The following CEP170 variants were observed in gnomAD, a reference collection of about 807,000 sequenced individuals.
CEP170 encodes centrosomal protein of 170 kDa.
CEP170 carries 21 observed loss-of-function variants against 151.9 expected under a neutral mutation model. The ratio of observed to expected loss-of-function variants is 0.14; its 90% CI spans 0.10 to 0.20. The LOEUF (loss-of-function observed/expected upper bound fraction) is 0.20. Among genes scored for constraint, CEP170 ranks in the 10% least tolerant of loss-of-function variants. The pLI is 1.00. For missense variants in CEP170, 964 were observed against 1,892.9 expected, an observed-to-expected ratio of 0.51 and a Z score of 9.11; for synonymous variants, 356 against 648.8, an observed-to-expected ratio of 0.55 and a Z score of 6.86.
intron 15 of CEP170, among the ~76,000 whole-genome samples, chr1:243,141,237 G>A (rs1221091500): frequency 1.3e-5 from 2 of 151,720 alleles, no homozygotes; most frequent in African/African-American, 4.8e-5. Context: ...ATCAATACCA[G>A]GGGCTGGCAA....
intron 10 of CEP170, among the ~76,000 whole-genome samples, chr1:243,176,354 C>G (rs1273724548): frequency 6.6e-6 from 1 of 152,186 alleles, no homozygotes; most frequent in East Asian, 1.9e-4. Flanking sequence ...GGTGAAAACT[C>G]CTTTGTGAAC....
intron 14 of CEP170, among the ~76,000 whole-genome samples, chr1:243,152,514 C>T (rs2057192014): frequency 7.2e-6 from 1 of 138,456 alleles, no homozygotes; most frequent in Admixed American, 7.7e-5. Context: ...AGCCACCGCG[C>T]CCAGCCATTT....
intron 1 of CEP170, among the ~76,000 whole-genome samples, chr1:243,254,187 AAAAT>A (rs139268057): frequency 0.44 from 64,885 of 148,598 alleles, 14,345 homozygotes; most frequent in South Asian, 0.63. Context: ...TACATTCCTC[AAAAT>A]AAATAAATAA....
At chr1:243,176,433 G>C (rs1207780135) in intron 10 of CEP170, among the ~76,000 whole-genome samples, 1 of 150,826 alleles carries the variant, frequency 6.6e-6, no homozygotes, top group Non-Finnish European at 1.5e-5. Flanking sequence ...ACTGGGCGTA[G>C]GAAGTGGCTT....
At chr1:243,175,385 TC>T (rs2059158125) in intron 10 of CEP170, among the ~76,000 whole-genome samples, 1 of 152,214 alleles carries the variant, frequency 6.6e-6, no homozygotes, top group Admixed American at 6.5e-5. Context: ...AAAGAAGCCT[TC>T]AAATTTCACA....
At chr1:243,255,712 T>G (rs141244921), upstream of CEP170, among the ~76,000 whole-genome samples, 1 of 152,346 alleles carries the variant, frequency 6.6e-6, no homozygotes, top group East Asian at 1.9e-4. Flanking sequence ...CTGCTGCATA[T>G]TAGCAAATTT....
chr1:243,245,018 T>C (rs192554374), intron 1 of CEP170, among the ~76,000 whole-genome samples: 1 of 152,284 alleles, frequency 6.6e-6, no homozygotes, highest in Admixed American at 6.5e-5. Context: ...AATGACAATC[T>C]GGGAAAAAAT....
chr1:243,225,857 G>T (rs931482915), intron 1 of CEP170, among the ~76,000 whole-genome samples: 1 of 151,652 alleles, frequency 6.6e-6, no homozygotes, highest in Admixed American at 6.6e-5. Context: ...GTACTTTATT[G>T]TCTTAATACG....
intron 1 of CEP170, among the ~76,000 whole-genome samples, chr1:243,247,454 A>T (rs2065517335): frequency 6.6e-6 from 1 of 152,162 alleles, no homozygotes; most frequent in African/African-American, 2.4e-5. Flanking sequence ...CCTGGGCTCA[A>T]GCAATTCTCC....
chr1:243,132,758 AGAAT>A (rs1374277137), intron 17 of CEP170, among the ~76,000 whole-genome samples: 1 of 152,216 alleles, frequency 6.6e-6, no homozygotes, highest in Non-Finnish European at 1.5e-5. Flanking sequence ...GGTAAGGAAG[AGAAT>A]GGTACACAGC....
intron 1 of CEP170, among the ~76,000 whole-genome samples, chr1:243,231,499 TTATAA>T (rs1326335287): frequency 2.0e-5 from 3 of 152,178 alleles, no homozygotes; most frequent in East Asian, 1.9e-4. Flanking sequence ...AAAGCAATAA[TTATAA>T]TATGTTACTG....
Position 243,129,280 on chromosome 1 carries a change from G to A in CEP170, c.4413+80C>T, listed in dbSNP as rs898726693. 52 of 1,215,800 alleles carry A rather than the reference G, an allele frequency of 4.3e-5. No homozygotes were observed. In the Middle Eastern group the frequency reaches 1.2e-3, roughly 28 times the overall value. 75.3% of individuals were successfully genotyped at this position (1,215,800 alleles called of 1,614,324 possible). On this transcript the variant is annotated intron_variant, in intron 18 of 19. Transcript: ENST00000366542. ...TCTTCTTTTGAAAAAGCAAATCAACGAACAGCTCAAAAATAAGGGTCTTTT... is the reference window on the plus strand; with the variant it reads ...TCTTCTTTTGAAAAAGCAAATCAACAAACAGCTCAAAAATAAGGGTCTTTT...
At chr1:243,128,056 T>C (rs1305396939) in intron 19 of CEP170, among the ~76,000 whole-genome samples, 193 bp downstream of exon 19, 3 of 152,224 alleles carry the variant, frequency 2.0e-5, no homozygotes, top group Non-Finnish European at 4.4e-5. Flanking sequence ...TATATCTTTA[T>C]TACATTTTAA....
intron 1 of CEP170, among the ~76,000 whole-genome samples, chr1:243,248,934 G>A (rs2065673483): frequency 6.6e-6 from 1 of 152,098 alleles, no homozygotes; most frequent in South Asian, 2.1e-4. Context: ...CACCGCACCT[G>A]AGTAGAATAC....
At chr1:243,193,931 A>C (rs867258262) in intron 7 of CEP170, among the ~76,000 whole-genome samples, 5 of 152,058 alleles carry the variant, frequency 3.3e-5, no homozygotes, top group South Asian at 2.1e-4. Flanking sequence ...CAAAGCAGGT[A>C]CACAAATAAA....
chr1:243,224,728 C>A (rs2063094980), intron 2 of CEP170, among the ~76,000 whole-genome samples: 1 of 152,086 alleles, frequency 6.6e-6, no homozygotes, highest in Admixed American at 6.5e-5. Flanking sequence ...ACGTTGTATA[C>A]CTTAAATATA....
At chr1:243,188,572 T>C (rs2060078681) in intron 8 of CEP170, among the ~76,000 whole-genome samples, 1 of 152,202 alleles carries the variant, frequency 6.6e-6, no homozygotes, top group South Asian at 2.1e-4. Flanking sequence ...CCTAAATATG[T>C]TGAAGTCCTT....
chr1:243,149,144 A>G (rs920827268), intron 14 of CEP170, among the ~76,000 whole-genome samples: 1 of 141,080 alleles, frequency 7.1e-6, no homozygotes, highest in African/African-American at 2.5e-5. Context: ...CAGATAAGTT[A>G]CATTTGGTAA....
intron 3 of CEP170, among the ~76,000 whole-genome samples, chr1:243,214,587 A>C (rs934248332): frequency 2.0e-5 from 3 of 151,964 alleles, no homozygotes; most frequent in African/African-American, 7.2e-5. Context: ...CGCCCAGCCA[A>C]AATTTTTAAA....
Sources: allele counts gnomAD v4.1 joint callset (sites outside exome capture counted in the v4.1 genomes callset), GRCh38; gene constraint gnomAD v4.1.1; transcripts MANE v1.5; gene names NCBI Gene and HGNC (gene_info 2026-07-23, HGNC 2026-07-21).